KALRN: variants seen among roughly 807,000 people sequenced by gnomAD.
KALRN encodes kalirin RhoGEF kinase.
Under a neutral mutation model 353.7 loss-of-function variants are expected in KALRN, and 70 were observed. The observed-to-expected ratio is 0.20, with a 90% CI of 0.16 to 0.24. The LOEUF is 0.24. KALRN is among the 10% of genes least tolerant of loss of function. KALRN has a pLI of 1.00. For missense variants in KALRN, 2,791 were observed against 3,756.7 expected (o/e 0.74, Z 6.72); for synonymous variants, 1,391 against 1,434.8 (o/e 0.97, Z 0.69).
intron 45 of KALRN, among the ~76,000 whole-genome samples, chr3:124,664,387 A>G (rs2085340035): frequency 7.1e-6 from 1 of 140,402 alleles, no homozygotes; most frequent in Non-Finnish European, 1.5e-5. Flanking sequence ...GCGCGCATAT[A>G]AGGGCACCCA....
intron 5 of KALRN, among the ~76,000 whole-genome samples, chr3:124,289,663 A>G (rs576086748): frequency 1.3e-5 from 2 of 152,308 alleles, no homozygotes; most frequent in East Asian, 3.9e-4. Flanking sequence ...AGGAACTTGC[A>G]TGGGATTTAG....
At chr3:124,074,845 C>T (rs1243099916) in intron 1 of KALRN, among the ~76,000 whole-genome samples, 1 of 152,134 alleles carries the variant, frequency 6.6e-6, no homozygotes, top group Non-Finnish European at 1.5e-5. Flanking sequence ...TGTTTCTGGC[C>T]TCCAAGTAGT....
chr3:124,556,204 A>T (rs2071221095), intron 33 of KALRN, among the ~76,000 whole-genome samples: 1 of 152,182 alleles, frequency 6.6e-6, no homozygotes, highest in Non-Finnish European at 1.5e-5. Flanking sequence ...ACACCATGGG[A>T]AACAACTAAA....
At chr3:124,656,022 G>A (rs113483270) in intron 39 of KALRN, among the ~76,000 whole-genome samples, 2,303 of 152,208 alleles carry the variant, frequency 0.015, 58 homozygotes, top group African/African-American at 0.052. Context: ...AGCCACATAG[G>A]CATAAAACAG....
At chr3:124,242,086 T>C (rs1456749213) in intron 3 of KALRN, among the ~76,000 whole-genome samples, 1 of 152,144 alleles carries the variant, frequency 6.6e-6, no homozygotes, top group African/African-American at 2.4e-5. Context: ...AAAAAGCCAT[T>C]GAAGAGCTTT....
intron 3 of KALRN, among the ~76,000 whole-genome samples, chr3:124,236,491 T>G (rs1447775784): frequency 6.6e-6 from 1 of 152,138 alleles, no homozygotes; most frequent in African/African-American, 2.4e-5. Context: ...CAATAGAAGT[T>G]TTCATAGGGA....
At chr3:124,130,455 C>T (rs2065148983) in intron 1 of KALRN, among the ~76,000 whole-genome samples, 1 of 152,042 alleles carries the variant, frequency 6.6e-6, no homozygotes, top group African/African-American at 2.4e-5. Context: ...CCGTCTTTTC[C>T]AGTGATACTT....
intron 1 of KALRN, among the ~76,000 whole-genome samples, chr3:124,135,633 C>A (rs1560044654): frequency 6.6e-6 from 1 of 152,106 alleles, no homozygotes; most frequent in Non-Finnish European, 1.5e-5. Flanking sequence ...CCAAGGGACC[C>A]AGCCTGTTTT....
chr3:124,337,187 A>G (rs1177334431), intron 9 of KALRN, among the ~76,000 whole-genome samples: 1 of 152,154 alleles, frequency 6.6e-6, no homozygotes, highest in Admixed American at 6.5e-5. Context: ...AGAACTTCCA[A>G]TACTATGTTG....
intron 3 of KALRN, among the ~76,000 whole-genome samples, chr3:124,261,650 G>A (rs915957924): frequency 6.6e-6 from 1 of 152,180 alleles, no homozygotes. Context: ...TTTGGATGCT[G>A]GGATTGTTGA....
intron 1 of KALRN, among the ~76,000 whole-genome samples, chr3:124,126,144 G>A (rs575038218): frequency 6.6e-6 from 1 of 152,092 alleles, no homozygotes; most frequent in Admixed American, 6.5e-5. Context: ...CCAAGAATTG[G>A]GAGAGATTTC....
At position 124,697,721 on chromosome 3, in the gene KALRN, G is replaced by C. The variant is rs2062119367; in HGVS notation, c.7828G>C (p.Glu2610Gln). Residue 2610 changes from glutamate (E) to glutamine (Q), a missense_variant, in exon 55 of 60, where the codon GAA becomes CAA. Glu to Gln is a conservative substitution (Grantham distance 29, BLOSUM62 2). This residue lies in a region of KALRN where 1,065 missense variants were observed against 1,156.4 expected (regional missense o/e 0.92). Coordinates refer to ENST00000682506, the MANE Select transcript of KALRN (RefSeq NM_001388419.1). ...ISGYTVEYRE[E>Q]GSQIWQQSVA... ...TGGTTACACTGTGGAGTACAGAGAG[G>C]AAGGTGCACTATCTCCTGCTCTTCT... The C allele has an allele frequency of 1.9e-6, 3 of 1,565,468 alleles. No homozygotes were observed. Among genetic ancestry groups the C allele is most frequent in the East Asian group, 4.7e-5 (2 of 42,792 alleles).
intron 1 of KALRN, among the ~76,000 whole-genome samples, chr3:124,148,421 A>AT (rs1470721733): frequency 6.6e-6 from 1 of 152,192 alleles, no homozygotes; most frequent in Non-Finnish European, 1.5e-5. Context: ...TTTGCTTTTT[A>AT]AAAGGAAGAT....
intron 1 of KALRN, among the ~76,000 whole-genome samples, chr3:124,072,654 A>T (rs1164333944): frequency 6.6e-6 from 1 of 152,228 alleles, no homozygotes; most frequent in Non-Finnish European, 1.5e-5. Flanking sequence ...GTGATCTACC[A>T]TCTGTAGCTA....
intron 57 of KALRN, among the ~76,000 whole-genome samples, chr3:124,704,541 TTTTTTTC>T (rs1028371336): frequency 6.1e-5 from 5 of 82,086 alleles, no homozygotes; most frequent in Non-Finnish European, 8.6e-5. Context: ...GGAAATTCTT[TTTTTTTC>T]TTTTTTCTTT....
intron 33 of KALRN, among the ~76,000 whole-genome samples, chr3:124,552,412 G>C (rs2070658999): frequency 6.6e-6 from 1 of 152,222 alleles, no homozygotes; most frequent in Admixed American, 6.5e-5. Context: ...AACCAGAGGA[G>C]AGCTTGGCCT....
At chr3:124,366,873 G>C (rs1264891232) in intron 10 of KALRN, among the ~76,000 whole-genome samples, 1 of 134,850 alleles carries the variant, frequency 7.4e-6, no homozygotes, top group African/African-American at 3.2e-5. Flanking sequence ...GCGGCTGGCC[G>C]GGCGGGGGGC....
chr3:124,120,736 A>ATATATATATATATATATATATG (rs1553774505), intron 1 of KALRN, among the ~76,000 whole-genome samples: 49 of 144,304 alleles, frequency 3.4e-4, no homozygotes, highest in African/African-American at 1.2e-3. Flanking sequence ...ATATATATAT[A>ATATATATATATATATATATATG]TATATATATT....
chr3:124,395,164 G>C lies in KALRN; in HGVS notation c.1992G>C (p.Lys664Asn). 1 of 1,613,454 alleles carries C rather than the reference G, an allele frequency of 6.2e-7. No homozygotes were observed. Among genetic ancestry groups the C allele is most frequent in the Non-Finnish European group, 8.5e-7 (1 of 1,179,716 alleles). ...ELWTWMEDLQ[K>N]EMLEDVCADS... ...GGACATGGATGGAAGACCTTCAGAA[G>C]GAGATGTTGGAGGATGTCTGTGCAG... Residue 664 changes from lysine (K) to asparagine (N), a missense_variant, in exon 12 of 60, where the codon AAG becomes AAC. Coordinates refer to ENST00000682506, the MANE Select transcript of KALRN (RefSeq NM_001388419.1).
Sources: allele counts gnomAD v4.1 joint callset (sites outside exome capture counted in the v4.1 genomes callset), GRCh38; gene constraint gnomAD v4.1.1; regional missense constraint gnomAD v4.1.1; transcripts MANE v1.5; gene names NCBI Gene and HGNC (gene_info 2026-07-23, HGNC 2026-07-21).